Variants in HMG20A observed in about 807,000 individuals in gnomAD.
The protein encoded by HMG20A is high mobility group protein 20A.
In HMG20A, 17 loss-of-function variants were observed where a neutral mutation model predicts 43.9. The observed-to-expected ratio is 0.39, with a 90% CI of 0.27 to 0.58. HMG20A has a LOEUF of 0.58. Among genes scored for constraint, HMG20A ranks in the 20% least tolerant of loss-of-function variants. The pLI is 0.59. For missense variants in HMG20A, 341 were observed against 438.2 expected (o/e 0.78, Z 1.98); for synonymous variants, 132 against 147.5 (o/e 0.89, Z 0.76).
intron 9 of HMG20A, chr15:77,482,133 C>CAAT (rs1286994459): frequency 6.6e-6 from 1 of 152,126 alleles, no homozygotes; most frequent in Non-Finnish European, 1.5e-5. Context: ...CTCTCTCATT[C>CAAT]ACTGGGTTTC....
chr15:77,467,352 C>A, intron 4 of HMG20A, 45 bp downstream of exon 4: 1 of 1,486,828 alleles, frequency 6.7e-7, no homozygotes, highest in African/African-American at 1.4e-5. Flanking sequence ...TTGATTATAT[C>A]TCAGAAATAA....
the HMG20A span, among the ~76,000 whole-genome samples, chr15:77,504,296 C>T: frequency 6.6e-6 from 1 of 152,298 alleles, no homozygotes; most frequent in Admixed American, 6.5e-5. Flanking sequence ...CCCAGAGTGG[C>T]TAATGAGCAG....
At chr15:77,509,563 TGTGTG>T in the HMG20A span, among the ~76,000 whole-genome samples, 50 of 49,568 alleles carry the variant, frequency 1.0e-3, no homozygotes, top group African/African-American at 2.5e-3. Flanking sequence ...GCCGTGTGTG[TGTGTG>T]TGTGTGTGTG....
At chr15:77,502,822 T>C in the HMG20A span, among the ~76,000 whole-genome samples, 5 of 151,878 alleles carry the variant, frequency 3.3e-5, no homozygotes, top group African/African-American at 7.3e-5. Flanking sequence ...AAAAAAAAAT[T>C]AGCCAGGCGT....
chr15:77,481,714 A>G (rs961868811), intron 9 of HMG20A, among the ~76,000 whole-genome samples: 2 of 152,218 alleles, frequency 1.3e-5, no homozygotes, highest in Non-Finnish European at 2.9e-5. Context: ...AAAAGTGTGA[A>G]CTGTTATATT....
intron 9 of HMG20A, among the ~76,000 whole-genome samples, chr15:77,480,950 C>G (rs1031940020): frequency 5.3e-5 from 8 of 151,954 alleles, no homozygotes; most frequent in African/African-American, 1.9e-4. Context: ...AATGAGGTGG[C>G]CATATATGGA....
chr15:77,509,453 C>A, the HMG20A span, among the ~76,000 whole-genome samples: 4 of 151,790 alleles, frequency 2.6e-5, no homozygotes, highest in African/African-American at 9.7e-5. Flanking sequence ...TGGGATTACA[C>A]CATGTTGCTC....
chr15:77,454,163 TAAAAAAA>T (rs531023947), intron 1 of HMG20A, among the ~76,000 whole-genome samples: 2 of 129,324 alleles, frequency 1.5e-5, no homozygotes, highest in African/African-American at 5.7e-5. Context: ...CCCTGTCTCT[TAAAAAAA>T]AAAAAAAAAA....
At chr15:77,471,454 C>T (rs1008662265) in intron 5 of HMG20A, among the ~76,000 whole-genome samples, 1 of 152,190 alleles carries the variant, frequency 6.6e-6, no homozygotes, top group African/African-American at 2.4e-5. Flanking sequence ...ATTGCATCTT[C>T]TCTATACTTG....
chr15:77,468,273 CATT>C (rs1270560601), intron 4 of HMG20A, among the ~76,000 whole-genome samples: 2 of 151,924 alleles, frequency 1.3e-5, no homozygotes, highest in Admixed American at 6.6e-5. Flanking sequence ...AATATGTGCT[CATT>C]ATTCTCTTTT....
intron 4 of HMG20A, among the ~76,000 whole-genome samples, chr15:77,470,266 A>G (rs569527145): frequency 1.3e-5 from 2 of 152,234 alleles, no homozygotes; most frequent in Non-Finnish European, 1.5e-5. Context: ...GCATTAAACA[A>G]AATAATCCTG....
At chr15:77,471,894 T>A in intron 6 of HMG20A, 80 bp downstream of exon 6, 1 of 779,616 alleles carries the variant, frequency 1.3e-6, no homozygotes, top group Non-Finnish European at 2.1e-6. Flanking sequence ...GATTTTTTTT[T>A]TTTTAATGAA....
intron 9 of HMG20A, among the ~76,000 whole-genome samples, chr15:77,481,178 G>A (rs1249644725): frequency 6.6e-6 from 1 of 152,148 alleles, no homozygotes; most frequent in Non-Finnish European, 1.5e-5. Flanking sequence ...AACTGTACAA[G>A]GCAATGCATT....
the HMG20A span, among the ~76,000 whole-genome samples, chr15:77,499,711 A>T: frequency 5.1e-4 from 77 of 152,186 alleles, no homozygotes; most frequent in East Asian, 0.014. Flanking sequence ...TTCTAACTAG[A>T]CTTAGTATAG....
At chr15:77,477,689 A>C in intron 7 of HMG20A, 59 bp downstream of exon 7, 1 of 1,157,418 alleles carries the variant, frequency 8.6e-7, no homozygotes, top group Non-Finnish European at 1.3e-6. Context: ...CTTAGTTCTC[A>C]GAAGAAATTC....
chr15:77,499,586 A>C, the HMG20A span, among the ~76,000 whole-genome samples: 1 of 150,770 alleles, frequency 6.6e-6, no homozygotes, highest in African/African-American at 2.4e-5. Context: ...CCTTCTCAAC[A>C]CCTCCAGGAC....
chr15:77,480,203 G>T (rs2072893665), intron 9 of HMG20A, among the ~76,000 whole-genome samples: 1 of 152,114 alleles, frequency 6.6e-6, no homozygotes, highest in African/African-American at 2.4e-5. Flanking sequence ...AAAGTGGGAG[G>T]ATCACTTGGG....
rs969527934 is a variant in HMG20A at position 77,420,902 on chromosome 15, G to A, written c.-107G>A. Reference sequence around the variant, plus strand: ...AATTTTTGTCCAGCTGTGAGACGACGAGTGCGTGAAGTGAAGGCGATTGAG... The same window carrying A: ...AATTTTTGTCCAGCTGTGAGACGACAAGTGCGTGAAGTGAAGGCGATTGAG... On this transcript the variant is annotated 5_prime_UTR_variant, in exon 1 of 10. Coordinates refer to ENST00000336216, the MANE Select transcript of HMG20A (RefSeq NM_001304504.2). The A allele has an allele frequency of 7.0e-5, 28 of 398,786 alleles. No homozygotes were observed. Among genetic ancestry groups the A allele is most frequent in the Non-Finnish European group, 1.0e-4 (23 of 226,152 alleles). 24.7% of individuals were successfully genotyped at this position (398,786 alleles called of 1,614,324 possible).
intron 9 of HMG20A, among the ~76,000 whole-genome samples, chr15:77,480,611 CAA>C (rs1261742792): frequency 1.4e-5 from 1 of 69,502 alleles, no homozygotes; most frequent in African/African-American, 5.4e-5. Context: ...GATTCTGTCT[CAA>C]AAAAAAAAAA....
Sources: allele counts gnomAD v4.1 joint callset (sites outside exome capture counted in the v4.1 genomes callset), GRCh38; gene constraint gnomAD v4.1.1; transcripts MANE v1.5; gene names NCBI Gene and HGNC (gene_info 2026-07-23, HGNC 2026-07-21).